The following CATSPERD variants were observed in gnomAD, a reference collection of about 807,000 sequenced individuals.
The protein encoded by CATSPERD is catsper channel auxiliary subunit delta.
CATSPERD carries 86 observed loss-of-function variants against 98.1 expected under a neutral mutation model. That is an observed-to-expected ratio of 0.88 (90% confidence interval 0.74 to 1.05). The LOEUF is 1.05. Among genes scored for constraint, CATSPERD ranks in the 50% least tolerant of loss-of-function variants. The pLI is 0.00. For synonymous variants in CATSPERD, 394 were observed against 390.2 expected, an observed-to-expected ratio of 1.01 and a Z score of -0.12; for missense variants, 995 against 1,005.7, an observed-to-expected ratio of 0.99 and a Z score of 0.14.
Position 5,727,293 on chromosome 19 carries a change from C to G in CATSPERD, c.152C>G (p.Thr51Arg). The G allele has an allele frequency of 6.2e-7, 1 of 1,613,702 alleles. No individual in the cohort carries two copies. The highest frequency in any genetic ancestry group is 8.5e-7 in the Non-Finnish European group (1 of 1,179,626). ...GACCGCCTGTATTTTCATCCTACAA[C>G]AACACGCTTGATTAAACATCCTTGC... The part of the protein sequence containing the change: ...QGDRLYFHPT[T>R]TRLIKHPCEK... Residue 51 changes from threonine (T) to arginine (R), a missense_variant, in exon 3 of 22, where the codon ACA becomes AGA. Thr to Arg is a moderately conservative substitution (Grantham distance 71). This residue lies in a region of CATSPERD where 228 missense variants were observed against 209.6 expected (regional missense o/e 1.09). Coordinates refer to ENST00000381624, the MANE Select transcript of CATSPERD (RefSeq NM_152784.4).
At position 5,776,176 on chromosome 19, in the gene CATSPERD, C is replaced by T; in HGVS notation, c.1957C>T (p.His653Tyr). The T allele has an allele frequency of 1.2e-6, 2 of 1,614,172 alleles. No individual in the cohort carries two copies. Among genetic ancestry groups the T allele is most frequent in the Non-Finnish European group, 1.7e-6 (2 of 1,180,008 alleles). ...FWNRENYVSC[H>Y]DPNNNAPLRW... ...TCCCCCACAGAACTATGTGAGCTGC[C>T]ACGACCCCAACAACAATGCCCCTTT... Residue 653 changes from histidine to tyrosine, a missense_variant, in exon 21 of 22, where the codon CAC becomes TAC. Coordinates refer to ENST00000381624, the MANE Select transcript of CATSPERD (RefSeq NM_152784.4).
intron 21 of CATSPERD, among the ~76,000 whole-genome samples, chr19:5,776,575 G>C (rs867546968): frequency 6.6e-6 from 1 of 152,160 alleles, no homozygotes; most frequent in South Asian, 2.1e-4. Context: ...CACCTGAGTC[G>C]CCCTCTCCTA....
intron 2 of CATSPERD, 59 bp from the exon 3 acceptor site, chr19:5,727,209 A>C: frequency 7.4e-7 from 1 of 1,347,458 alleles, no homozygotes. Flanking sequence ...AAAAAAAATT[A>C]TTTCTATCAG....
At chr19:5,767,172 C>T (rs2056554034) in intron 17 of CATSPERD, among the ~76,000 whole-genome samples, 1 of 150,528 alleles carries the variant, frequency 6.6e-6, no homozygotes, top group Non-Finnish European at 1.5e-5. Context: ...AAAAAATTAG[C>T]CGGGCGCATT....
chr19:5,776,601 G>A (rs1374697277), intron 21 of CATSPERD, among the ~76,000 whole-genome samples: 1 of 152,204 alleles, frequency 6.6e-6, no homozygotes, highest in Non-Finnish European at 1.5e-5. Flanking sequence ...CATGGCTAGA[G>A]TGTGCTGATG....
At chr19:5,734,331 G>A (rs1213545645) in intron 5 of CATSPERD, among the ~76,000 whole-genome samples, 2 of 151,184 alleles carry the variant, frequency 1.3e-5, no homozygotes, top group Non-Finnish European at 1.5e-5. Context: ...GGCGAAACCC[G>A]GTCTCTACTA....
intron 14 of CATSPERD, among the ~76,000 whole-genome samples, chr19:5,758,707 C>A (rs1352483150): frequency 6.6e-6 from 1 of 151,202 alleles, no homozygotes; most frequent in Non-Finnish European, 1.5e-5. Flanking sequence ...CGTGTCACTG[C>A]ACTCCAGCCT....
intron 21 of CATSPERD, among the ~76,000 whole-genome samples, chr19:5,778,031 C>A (rs2056764306): frequency 6.6e-6 from 1 of 151,444 alleles, no homozygotes; most frequent in African/African-American, 2.4e-5. Context: ...CGAGGTGAAA[C>A]CCCATCTCTA....
chr19:5,767,117 AC>A (rs898711879), intron 17 of CATSPERD, among the ~76,000 whole-genome samples: 2 of 151,148 alleles, frequency 1.3e-5, no homozygotes, highest in Non-Finnish European at 3.0e-5. Flanking sequence ...GGAGATTGAG[AC>A]CATCCTGGCT....
intron 20 of CATSPERD, among the ~76,000 whole-genome samples, chr19:5,774,886 A>AC (rs2056712976): frequency 6.6e-6 from 1 of 151,998 alleles, no homozygotes; most frequent in African/African-American, 2.4e-5. Flanking sequence ...GCATGATGGT[A>AC]CCCACCTGTA....
At chr19:5,739,842 A>AAAAAAAAAAG (rs1555719761) in intron 7 of CATSPERD, among the ~76,000 whole-genome samples, 1 of 132,976 alleles carries the variant, frequency 7.5e-6, no homozygotes, top group Admixed American at 8.0e-5. Flanking sequence ...TCATCTCAAA[A>AAAAAAAAAAG]AAAAAAAAAA....
rs376284869 is a variant in CATSPERD, at chr19:5,778,633, C to G, written c.2354C>G (p.Pro785Arg). 7.4e-6 allele frequency: 12 copies of G among 1,613,424 alleles called. No individual in the cohort carries two copies. The East Asian group carries it at 1.8e-4, about 24-fold the overall frequency. The change falls in exon 22 of 22, where the codon CCG becomes CGG. Residue 785 changes from proline (P) to arginine (R), a missense_variant. Physicochemically the swap from Pro to Arg is moderately radical, Grantham distance 103. Around this residue, in one of 3 missense-constraint regions of CATSPERD, gnomAD observed 762 missense variants for 773.7 expected, o/e 0.98. Transcript: ENST00000381624. ...ACAGCCAGGGCAGGCACAGAGCCCC[C>G]GGGACGCCACCGCACTCCTCACGGA... is the stretch of plus-strand genomic sequence containing the variant. The part of the protein sequence containing the change: ...SATARAGTEP[P>R]GRHRTPHGGR...
rs556573285 is a variant in CATSPERD, at chr19:5,744,260, G to A, written c.574-167G>A. ...CACCCAAAGTGCTGGGATGACAGGC[G>A]TGAACCACCGCACCCAATTGAGTGC... On this transcript the variant is annotated intron_variant, in intron 7 of 21. Transcript: ENST00000381624. 5.1e-4 allele frequency among the ~76,000 whole-genome samples: 78 copies of A among 152,228 alleles called. 3 individuals are homozygous for A. In the South Asian group the frequency reaches 0.011, roughly 21 times the overall value.
intron 16 of CATSPERD, 152 bp downstream of exon 16, chr19:5,763,445 T>A (rs1322291430): frequency 1.6e-6 from 1 of 616,800 alleles, no homozygotes. Flanking sequence ...ACTAAAAAAA[T>A]TAAAAATAAA....
At chr19:5,726,065 T>C (rs2055598608) in intron 2 of CATSPERD, among the ~76,000 whole-genome samples, 1 of 151,794 alleles carries the variant, frequency 6.6e-6, no homozygotes, top group Admixed American at 6.6e-5. Flanking sequence ...TGTTAATTTT[T>C]TTTTTTTTTT....
chr19:5,744,474 G>A lies in CATSPERD; in HGVS notation c.621G>A (p.Leu207=). Residue 207 remains leucine (L), a synonymous_variant, in exon 8 of 22, where the codon TTG becomes TTA. Transcript: ENST00000381624. ...GCGGAATCTTCCACTTTTTTTCTTT[G>A]TCACAGGTTGCGATGCTTGTAGTGA... ...SLGGIFHFFS[L]SQVAMLVVNQ... The A allele has an allele frequency of 1.2e-6, 2 of 1,612,582 alleles. No individual in the cohort carries two copies. The highest frequency in any genetic ancestry group is 1.7e-6 in the Non-Finnish European group (2 of 1,179,052).
chr19:5,770,598 C>A (rs150388021), intron 18 of CATSPERD, among the ~76,000 whole-genome samples: 5,980 of 151,648 alleles, frequency 0.039, 390 homozygotes, highest in African/African-American at 0.14. Context: ...CTGGGCAACA[C>A]AGCAAGACCT....
intron 6 of CATSPERD, among the ~76,000 whole-genome samples, chr19:5,738,901 G>GT (rs998043451): frequency 1.3e-4 from 19 of 150,018 alleles, no homozygotes; most frequent in Non-Finnish European, 2.5e-4. Context: ...TTTTGTTTTT[G>GT]TTTTTTTTAA....
In CATSPERD at chr19:5,750,204, C is replaced by T. The variant is rs180999246; in HGVS notation, c.987+1021C>T. 2.4e-3 allele frequency among the ~76,000 whole-genome samples: 349 copies of T among 147,368 alleles called. 1 individual carries two copies. The highest frequency in any genetic ancestry group is 6.4e-3 in the African/African-American group (256 of 40,270). On this transcript the variant is annotated intron_variant, in intron 11 of 21. Transcript: ENST00000381624. ...TGGCTCACGCCTGTAATCCCAGCAC[C>T]TTGGGTGGCCAAGGTGGGCGGATCA...
Sources: gnomAD v4.1 joint callset for allele counts (sites outside exome capture counted in the v4.1 genomes callset) on GRCh38, gnomAD v4.1.1 for gene constraint, gnomAD v4.1.1 regional missense constraint, MANE v1.5 for transcripts, NCBI Gene and HGNC (gene_info 2026-07-23, HGNC 2026-07-21) for gene names.